The following BRAT1 variants were observed in gnomAD, a reference collection of about 807,000 sequenced individuals.
BRAT1 encodes the protein integrator complex assembly factor BRAT1.
In BRAT1, 74 loss-of-function variants were observed where a neutral mutation model predicts 70.6. That is an observed-to-expected ratio of 1.05 (90% CI 0.87 to 1.27). The LOEUF (loss-of-function observed/expected upper bound fraction) is 1.27. Among genes scored for constraint, BRAT1 ranks in the 50% most tolerant of loss-of-function variants. The probability of loss-of-function intolerance (pLI) is 0.00; values close to 1 mark genes in which losing one functional copy is unlikely to be tolerated. For missense variants in BRAT1, 1,203 were observed against 1,098.2 expected, an observed-to-expected ratio of 1.10 and a Z score of -1.35; for synonymous variants, 615 against 517.1, an observed-to-expected ratio of 1.19 and a Z score of -2.57.
At chr7:2,546,472 G>A (rs148044391) in intron 3 of BRAT1, among the ~76,000 whole-genome samples, 4,802 of 150,794 alleles carry the variant, frequency 0.032, 94 homozygotes, top group South Asian at 0.08. Flanking sequence ...GGTGGCTCAC[G>A]CCTGTAATCC....
intron 2 of BRAT1, among the ~76,000 whole-genome samples, chr7:2,553,698 C>A (rs1354845159): frequency 6.6e-6 from 1 of 151,654 alleles, no homozygotes; most frequent in Non-Finnish European, 1.5e-5. Context: ...GGTCAGGGTG[C>A]AGTGGCACAA....
chr7:2,552,910 T>TC (rs1030292596), intron 2 of BRAT1, among the ~76,000 whole-genome samples: 6 of 151,798 alleles, frequency 4.0e-5, no homozygotes, highest in Admixed American at 3.9e-4. Flanking sequence ...GCTATTTTTT[T>TC]TTTTTTTGTA....
intron 8 of BRAT1, 79 bp downstream of exon 8, chr7:2,541,639 T>TG (rs896896425): frequency 2.0e-5 from 29 of 1,478,134 alleles, no homozygotes; most frequent in Middle Eastern, 2.3e-4. Flanking sequence ...CAGCAAGGGG[T>TG]GGGGGGCGTC....
At chr7:2,552,920 A>G (rs895661270) in intron 2 of BRAT1, among the ~76,000 whole-genome samples, 1 of 137,096 alleles carries the variant, frequency 7.3e-6, no homozygotes, top group South Asian at 2.3e-4. Context: ...TTTTTTTTGT[A>G]TTTTTAGTAG....
In BRAT1 at chr7:2,543,989, GA is replaced by G. The variant is rs772790948; in HGVS notation, c.431-28del. The G allele has an allele frequency of 1.3e-6, 2 of 1,521,256 alleles. No homozygotes were observed. The allele number at this position is 1,521,256 out of a possible 1,614,324, so 94.2% of individuals were successfully genotyped here. ...TGGGTAGGGGATGGGGGAAGAGAGG[GA>G]AAAGGGGGTGAGCCAGAATAGAGCT... is the stretch of plus-strand genomic sequence containing the variant. On this transcript the variant is annotated intron_variant, in intron 4 of 13. Transcript: ENST00000340611. This position sits in a 1 kb window ranked among gnomAD's most constrained non-coding sequence, Gnocchi z 5.5.
intron 2 of BRAT1, among the ~76,000 whole-genome samples, chr7:2,552,101 TATATA>T (rs374678513): frequency 7.2e-4 from 13 of 18,062 alleles, no homozygotes; most frequent in African/African-American, 1.0e-3. Flanking sequence ...TATATATATA[TATATA>T]TTTTTTTTTT....
chr7:2,551,916 C>T (rs1236866129), intron 2 of BRAT1, among the ~76,000 whole-genome samples: 1 of 148,906 alleles, frequency 6.7e-6, no homozygotes, highest in Non-Finnish European at 1.5e-5. Flanking sequence ...CTGGAAAAAT[C>T]CATATTTTGA....
At chr7:2,545,791 G>A (rs1779565772) in intron 3 of BRAT1, among the ~76,000 whole-genome samples, 1 of 152,112 alleles carries the variant, frequency 6.6e-6, no homozygotes, top group African/African-American at 2.4e-5. Context: ...TGCCCAGCCT[G>A]GAGGGTACTT....
At chr7:2,538,997 G>T in intron 13 of BRAT1, 182 bp downstream of exon 13, 2 of 1,436,450 alleles carry the variant, frequency 1.4e-6, no homozygotes, top group Non-Finnish European at 1.8e-6. Context: ...GGAGACAGAA[G>T]GCGAAGCGCA....
At position 2,542,217 on chromosome 7, in the gene BRAT1, G is replaced by C. The variant is rs376179903; in HGVS notation, c.924-6C>G. 164 of 1,555,930 alleles carry C rather than the reference G, an allele frequency of 1.1e-4. No homozygotes were observed. The African/African-American group carries it at 2.1e-3, about 20-fold the overall frequency. ...GGGTCCTCAGTGCCTGTGGACTGGAGACAAACGCGAGGTGAGTGCCGCGAC... is the reference window on the plus strand; with the variant it reads ...GGGTCCTCAGTGCCTGTGGACTGGACACAAACGCGAGGTGAGTGCCGCGAC... On this transcript the variant is annotated splice_polypyrimidine_tract_variant and splice_region_variant and intron_variant, in intron 6 of 13. Coordinates refer to ENST00000340611, the MANE Select transcript of BRAT1 (RefSeq NM_152743.4).
Position 2,541,309 on chromosome 7 carries a change from G to C in BRAT1, c.1310C>G (p.Ser437Ter). The C allele has an allele frequency of 6.3e-7, 1 of 1,592,598 alleles. No homozygotes were observed. The highest frequency in any genetic ancestry group is 8.5e-7 in the Non-Finnish European group (1 of 1,173,288). Residue 437 changes from serine (S) to a stop codon, truncating the protein, a stop_gained, in exon 9 of 14, where the codon TCA becomes TGA. Coordinates refer to ENST00000340611, the MANE Select transcript of BRAT1 (RefSeq NM_152743.4). LOFTEE classifies it high-confidence loss of function. ...RAALDFLGTL[S>*]QGTGPQELVT... ...CAGAACACACTCACCTGTCCCCTGT[G>C]ACAGCGTCCCCAGGAAGTCGAGGGC...
intron 13 of BRAT1, 127 bp downstream of exon 13, chr7:2,539,052 C>A (rs983441222): frequency 7.5e-6 from 11 of 1,460,982 alleles, no homozygotes; most frequent in Non-Finnish European, 9.9e-6. Context: ...GCAGTCACTG[C>A]TGCAGGCGCT....
At chr7:2,541,543 G>T in intron 8 of BRAT1, 59 bp from the exon 9 acceptor site, 1 of 1,492,778 alleles carries the variant, frequency 6.7e-7, no homozygotes, top group South Asian at 1.3e-5. Flanking sequence ...TGGATGCAGG[G>T]GTGCTGGGAC....
At position 2,539,974 on chromosome 7, in the gene BRAT1, C is replaced by T; in HGVS notation, c.1396-86G>A. 3 of 992,756 alleles carry T rather than the reference C, an allele frequency of 3.0e-6. No individual in the cohort carries two copies. The South Asian group carries it at 5.2e-5, about 17-fold the overall frequency. 61.5% of individuals were successfully genotyped at this position (992,756 alleles called of 1,614,324 possible). ...TCCCCCTCGCCTTCACCTGTGCTGCCCGTACTCCAGGGACAGCAATGGGGA... is the reference window on the plus strand; with the variant it reads ...TCCCCCTCGCCTTCACCTGTGCTGCTCGTACTCCAGGGACAGCAATGGGGA... On this transcript the variant is annotated intron_variant, in intron 10 of 13. Coordinates refer to ENST00000340611, the MANE Select transcript of BRAT1 (RefSeq NM_152743.4).
chr7:2,542,927 C>T (rs1045904115), intron 6 of BRAT1: 3 of 243,254 alleles, frequency 1.2e-5, no homozygotes, highest in African/African-American at 4.5e-5. Flanking sequence ...GAGCGCAGGG[C>T]GTCGGCAGGA....
chr7:2,543,371 C>T lies in BRAT1; in HGVS notation c.804-48G>A, dbSNP rs1322276808. The T allele has an allele frequency of 1.3e-6, 2 of 1,532,232 alleles. No homozygotes were observed. Among genetic ancestry groups the T allele is most frequent in the East Asian group, 2.3e-5 (1 of 42,716 alleles). 94.9% of individuals were successfully genotyped at this position (1,532,232 alleles called of 1,614,324 possible). On this transcript the variant is annotated intron_variant, in intron 5 of 13. Coordinates refer to ENST00000340611, the MANE Select transcript of BRAT1 (RefSeq NM_152743.4). This position sits in a 1 kb window ranked among gnomAD's most constrained non-coding sequence, Gnocchi z 5.5. ...AAAATTACTCCCCCACCCTCAAAACCCCATTCGAGGCCTGGCTGAGACTGC... is the reference window on the plus strand; with the variant it reads ...AAAATTACTCCCCCACCCTCAAAACTCCATTCGAGGCCTGGCTGAGACTGC...
Position 2,539,060 on chromosome 7 carries a change from G to A in BRAT1, c.1770+119C>T, listed in dbSNP as rs1464666987. 2.7e-5 allele frequency: 39 copies of A among 1,460,764 alleles called. No individual in the cohort carries two copies. In the East Asian group the frequency reaches 5.4e-4, roughly 20 times the overall value. 90.5% of individuals were successfully genotyped at this position (1,460,764 alleles called of 1,614,324 possible). ...GGCCTCGGCAGTCACTGCTGCAGGC[G>A]CTGCCCACAGCAGCAGCTGCTCCCA... On this transcript the variant is annotated intron_variant, in intron 13 of 13. Transcript: ENST00000340611.
intron 2 of BRAT1, among the ~76,000 whole-genome samples, chr7:2,552,743 A>AT (rs375674149): frequency 0.049 from 7,179 of 145,122 alleles, 199 homozygotes; most frequent in South Asian, 0.083. Context: ...TTATGACACT[A>AT]TTTTTTTTTT....
At position 2,554,441 on chromosome 7, in the gene BRAT1, G is replaced by T. The variant is rs758044401; in HGVS notation, c.-10C>A. 1.9e-6 allele frequency: 3 copies of T among 1,610,566 alleles called. No homozygotes were observed. The highest frequency in any genetic ancestry group is 2.2e-5 in the East Asian group (1 of 44,820). ...CGCATTCTGGGTCCATGGTGAGGCC[G>T]CAGGCCCTGCAAAGGCAATGTGAGA... On this transcript the variant is annotated 5_prime_UTR_variant, in exon 2 of 14. Coordinates refer to ENST00000340611, the MANE Select transcript of BRAT1 (RefSeq NM_152743.4).
Sources: gnomAD v4.1 joint callset for allele counts (sites outside exome capture counted in the v4.1 genomes callset) on GRCh38, gnomAD v4.1.1 for gene constraint, Gnocchi (gnomAD v3.1) non-coding constraint, MANE v1.5 for transcripts, NCBI Gene and HGNC (gene_info 2026-07-23, HGNC 2026-07-21) for gene names.